Variants in ARHGAP44 observed in about 807,000 individuals in gnomAD.
The protein encoded by ARHGAP44 is Rho GTPase activating protein 44.
ARHGAP44 carries 43 observed loss-of-function variants against 106.8 expected under a neutral mutation model. The observed-to-expected ratio is 0.40, with a 90% CI of 0.32 to 0.52. The LOEUF (loss-of-function observed/expected upper bound fraction) is 0.52, where lower values mean the gene tolerates loss of function less well. ARHGAP44 is among the 20% of genes least tolerant of loss of function. The pLI, the probability that ARHGAP44 is intolerant of heterozygous loss-of-function variation, is 0.48. For missense variants in ARHGAP44, 866 were observed against 1,050.5 expected (o/e 0.82, Z 2.43); for synonymous variants, 439 against 410.3 (o/e 1.07, Z -0.85).
intron 1 of ARHGAP44, among the ~76,000 whole-genome samples, chr17:12,801,232 A>G (rs2034084730): frequency 6.6e-6 from 1 of 152,262 alleles, no homozygotes; most frequent in South Asian, 2.1e-4. Flanking sequence ...AGCACTAGGA[A>G]TCTCATGCAC....
chr17:12,989,947 T>C, intron 20 of ARHGAP44, 85 bp from the exon 21 acceptor site: 1 of 1,553,528 alleles, frequency 6.4e-7, no homozygotes, highest in Non-Finnish European at 8.8e-7. Context: ...CCCTGCCTCC[T>C]AAGGCTGACA....
chr17:12,829,586 G>A lies in ARHGAP44; in HGVS notation c.53+39695G>A, dbSNP rs575417528. 2.0e-5 allele frequency among the ~76,000 whole-genome samples: 3 copies of A among 152,218 alleles called. No homozygotes were observed. The South Asian group carries it at 6.2e-4, about 32-fold the overall frequency. On this transcript the variant is annotated intron_variant, in intron 1 of 20. Coordinates refer to ENST00000379672, the MANE Select transcript of ARHGAP44 (RefSeq NM_014859.6). ...CCTCTCTTGGAAGTTCTATTTGTTA[G>A]TGGTGATCATTTGATTATATCACAC...
At chr17:12,979,736 A>G (rs2039783183) in intron 18 of ARHGAP44, among the ~76,000 whole-genome samples, 1 of 152,176 alleles carries the variant, frequency 6.6e-6, no homozygotes, top group Admixed American at 6.5e-5. Flanking sequence ...TGATGGCAGG[A>G]TACGGTAGAG....
chr17:12,897,643 C>T (rs1050834734), intron 3 of ARHGAP44, among the ~76,000 whole-genome samples: 3 of 150,310 alleles, frequency 2.0e-5, no homozygotes, highest in African/African-American at 7.3e-5. Context: ...AAACCCACAT[C>T]TAATGGGGGA....
At chr17:12,866,737 G>T (rs1025522108) in intron 1 of ARHGAP44, among the ~76,000 whole-genome samples, 1 of 152,112 alleles carries the variant, frequency 6.6e-6, no homozygotes, top group Non-Finnish European at 1.5e-5. Flanking sequence ...AAAGACAAAG[G>T]GAAAAGGTTT....
Position 12,843,736 on chromosome 17 carries a change from A to G in ARHGAP44, c.54-51204A>G, listed in dbSNP as rs377561002. ...AATGGCGTGATCTCTGCTCACTGCA[A>G]CCACCACCACCCAGGTTCAAGTGAT... On this transcript the variant is annotated intron_variant, in intron 1 of 20. Transcript: ENST00000379672. Among the ~76,000 whole-genome samples the G allele has an allele frequency of 3.0e-4, 45 of 148,474 alleles. No homozygotes were observed. In the South Asian group the frequency reaches 7.0e-3, roughly 23 times the overall value.
At chr17:12,831,545 G>A (rs2035088979) in intron 1 of ARHGAP44, among the ~76,000 whole-genome samples, 1 of 152,148 alleles carries the variant, frequency 6.6e-6, no homozygotes, top group Non-Finnish European at 1.5e-5. Flanking sequence ...ACAAAGGCTT[G>A]GTCAGTGTAG....
intron 8 of ARHGAP44, among the ~76,000 whole-genome samples, chr17:12,942,695 C>T (rs2038742009): frequency 6.6e-6 from 1 of 152,184 alleles, no homozygotes; most frequent in Admixed American, 6.5e-5. Flanking sequence ...CCCTCCACAA[C>T]AAGCCTTCAA....
intron 1 of ARHGAP44, among the ~76,000 whole-genome samples, chr17:12,807,126 C>A (rs1012548599): frequency 1.3e-5 from 2 of 152,128 alleles, no homozygotes; most frequent in African/African-American, 4.8e-5. Context: ...GTCGTCTCAG[C>A]CTAATGGCCT....
intron 6 of ARHGAP44, among the ~76,000 whole-genome samples, chr17:12,927,866 A>C (rs919504008): frequency 6.6e-6 from 1 of 152,194 alleles, no homozygotes; most frequent in African/African-American, 2.4e-5. Context: ...TCCTGTCTCC[A>C]TTACAAGTAG....
intron 1 of ARHGAP44, among the ~76,000 whole-genome samples, chr17:12,866,331 T>G (rs1216253187): frequency 6.6e-6 from 1 of 152,162 alleles, no homozygotes; most frequent in African/African-American, 2.4e-5. Flanking sequence ...GCCTTAATAT[T>G]TTTGACCCTA....
At position 12,844,441 on chromosome 17, in the gene ARHGAP44, C is replaced by G. The variant is rs544716400; in HGVS notation, c.54-50499C>G. Among the ~76,000 whole-genome samples, 5 of 152,276 alleles carry G rather than the reference C, an allele frequency of 3.3e-5. 1 individual carries two copies. The highest frequency in any genetic ancestry group is 1.2e-4 in the African/African-American group (5 of 41,558). On this transcript the variant is annotated intron_variant, in intron 1 of 20. Transcript: ENST00000379672. ...CGCAATAACAACGTTAATTCGTTCA[C>G]GAGAACTCTGCCCTCATGACCCAGT...
chr17:12,797,997 C>T (rs1350584942), intron 1 of ARHGAP44, among the ~76,000 whole-genome samples: 3 of 151,862 alleles, frequency 2.0e-5, no homozygotes, highest in Admixed American at 2.0e-4. Context: ...TTTTTTCTTA[C>T]TCTTTGTTGC....
Position 12,949,027 on chromosome 17 carries a change from G to T in ARHGAP44, c.862-113G>T. 9.6e-7 allele frequency: 1 copy of T among 1,042,136 alleles called. No homozygotes were observed. The highest frequency in any genetic ancestry group is 2.0e-4 in the Middle Eastern group (1 of 5,000). 64.6% of individuals were successfully genotyped at this position (1,042,136 alleles called of 1,614,324 possible). On this transcript the variant is annotated intron_variant, in intron 10 of 20. Coordinates refer to ENST00000379672, the MANE Select transcript of ARHGAP44 (RefSeq NM_014859.6). This position sits in a 1 kb window ranked among gnomAD's most constrained non-coding sequence, Gnocchi z 4.1. ...AACTGGGGGATTGGGAGATGGTGTT[G>T]GGCAAATGCATGTAAGAGGTTTTGG... is the stretch of plus-strand genomic sequence containing the variant.
intron 4 of ARHGAP44, among the ~76,000 whole-genome samples, chr17:12,910,440 T>C (rs1340810937): frequency 8.0e-6 from 1 of 124,312 alleles, no homozygotes; most frequent in East Asian, 2.5e-4. Flanking sequence ...CATGGGCTTA[T>C]GTAGCCTTTT....
At chr17:12,830,253 C>T (rs1462432886) in intron 1 of ARHGAP44, among the ~76,000 whole-genome samples, 2 of 152,096 alleles carry the variant, frequency 1.3e-5, no homozygotes, top group Admixed American at 6.6e-5. Context: ...TTTTAAGATG[C>T]TCCGTTGAGA....
rs768803470 is a variant in ARHGAP44, at chr17:12,928,982, G to C, written c.518G>C (p.Gly173Ala). ...SGLSSSLQPA[G>A]AKADALREEM... ...TTGTCCAGCAGCTTACAGCCTGCGG[G>C]TGCCAAGGCTGATGCCCTCAGGGAA... The change falls in exon 7 of 21, where the codon GGT (glycine) becomes GCT (alanine). Residue 173 changes from glycine to alanine, a missense_variant. Gly to Ala is a moderately conservative substitution (Grantham distance 60). Transcript: ENST00000379672. 1 of 1,613,614 alleles carries C rather than the reference G, an allele frequency of 6.2e-7. No individual in the cohort carries two copies. The highest frequency in any genetic ancestry group is 8.5e-7 in the Non-Finnish European group (1 of 1,179,726).
intron 1 of ARHGAP44, among the ~76,000 whole-genome samples, chr17:12,891,988 C>A (rs891288352): frequency 1.1e-3 from 12 of 10,852 alleles, no homozygotes; most frequent in African/African-American, 7.4e-3. Flanking sequence ...GCAGAGATGG[C>A]CATGTTGGCC....
intron 1 of ARHGAP44, among the ~76,000 whole-genome samples, chr17:12,883,115 T>C (rs1040482243): frequency 6.6e-6 from 1 of 151,774 alleles, no homozygotes; most frequent in African/African-American, 2.4e-5. Context: ...TCAGGCTTCC[T>C]CTGTATTCTT....
Sources: gnomAD v4.1 joint callset for allele counts (sites outside exome capture counted in the v4.1 genomes callset) on GRCh38, gnomAD v4.1.1 for gene constraint, Gnocchi (gnomAD v3.1) non-coding constraint, MANE v1.5 for transcripts, NCBI Gene and HGNC (gene_info 2026-07-23, HGNC 2026-07-21) for gene names.